Variants in DTX1 observed in about 807,000 individuals in gnomAD.
DTX1 encodes E3 ubiquitin-protein ligase DTX1.
A neutral mutation model predicts 57.8 loss-of-function variants in DTX1; 26 were observed. The observed-to-expected ratio is 0.45, with a 90% CI of 0.33 to 0.62. The LOEUF (loss-of-function observed/expected upper bound fraction) is 0.62. Among genes scored for constraint, DTX1 ranks in the 20% least tolerant of loss-of-function variants. DTX1 has a pLI of 0.02. For missense variants in DTX1, 704 were observed against 895.3 expected (o/e 0.79, Z 2.73); for synonymous variants, 398 against 394.1 (o/e 1.01, Z -0.12).
At chr12:113,058,746 A>G in intron 2 of DTX1, among the ~76,000 whole-genome samples, 1 of 152,218 alleles carries the variant, frequency 6.6e-6, no homozygotes, top group East Asian at 1.9e-4. Context: ...GGATTAAATA[A>G]AATTGTGCTC....
In DTX1 at chr12:113,089,818, G is replaced by A. The variant is rs141107954; in HGVS notation, c.942-3344G>A. 2.7e-3 allele frequency: 412 copies of A among 152,320 alleles called. 4 individuals carry two copies. Among genetic ancestry groups the A allele is most frequent in the African/African-American group, 9.1e-3 (379 of 41,574 alleles). The allele number at this position is 152,320 out of a possible 1,614,324, so 9.4% of individuals were successfully genotyped here. A position where few individuals can be genotyped will look rare whatever the true frequency, so the allele number is the denominator to read the frequency against. On this transcript the variant is annotated intron_variant, in intron 3 of 9. Transcript: ENST00000548759. ...TAATCTAGGGCTATGTGGTATTTAA[G>A]GGGCTCCAGAAATTTTAGGGCAGCT... is the stretch of plus-strand genomic sequence containing the variant.
intron 3 of DTX1, among the ~76,000 whole-genome samples, chr12:113,091,741 A>G (rs1950250695): frequency 6.6e-6 from 1 of 152,180 alleles, no homozygotes; most frequent in African/African-American, 2.4e-5. Flanking sequence ...ACAGCATTAG[A>G]CAGGCTGTGA....
At position 113,094,855 on chromosome 12, in the gene DTX1, G is replaced by A. The variant is rs1461803101; in HGVS notation, c.1294G>A (p.Gly432Ser). 13 of 1,613,700 alleles carry A rather than the reference G, an allele frequency of 8.1e-6. No individual in the cohort carries two copies. Among genetic ancestry groups the A allele is most frequent in the Non-Finnish European group, 1.1e-5 (13 of 1,180,020 alleles). ...SGYEGVLRHK[G>S]VRPELVGRLG... ...CTACGAGGGCGTGCTTCGGCACAAG[G>A]GCGTGCGGCCTGAGCTCGTGGGCCG... is the stretch of plus-strand genomic sequence containing the variant. Residue 432 changes from glycine (G) to serine (S), a missense_variant, in exon 7 of 10, where the codon GGC (glycine) becomes AGC (serine). Gly to Ser is a moderately conservative substitution (Grantham distance 56, BLOSUM62 0). Around this residue, in one of 3 missense-constraint regions of DTX1, gnomAD observed 299 missense variants for 311.2 expected, o/e 0.96. Transcript: ENST00000548759.
intron 2 of DTX1, among the ~76,000 whole-genome samples, chr12:113,076,775 T>G (rs140752081): frequency 1.3e-5 from 2 of 152,250 alleles, no homozygotes; most frequent in East Asian, 1.9e-4. Context: ...CTAAATGAAA[T>G]AGTGCTTAAA....
chr12:113,077,343 C>G lies in DTX1; in HGVS notation c.260-81C>G. ...CTGACCCCCCAACCTCCCGCCCACC[C>G]TTGCCTGGCTGTGGCCCGCCCTTCC... On this transcript the variant is annotated intron_variant, in intron 2 of 9. Coordinates refer to ENST00000548759, the MANE Select transcript of DTX1 (RefSeq NM_004416.3). The surrounding 1 kb of genome is among the most constrained non-coding windows in gnomAD (Gnocchi z 7.8). 1 of 1,485,410 alleles carries G rather than the reference C, an allele frequency of 6.7e-7. No homozygotes were observed. The highest frequency in any genetic ancestry group is 8.9e-7 in the Non-Finnish European group (1 of 1,119,576). The allele number at this position is 1,485,410 out of a possible 1,614,324, so 92.0% of individuals were successfully genotyped here.
chr12:113,093,377 C>A lies in DTX1; in HGVS notation c.1003+154C>A, dbSNP rs1233583998. On this transcript the variant is annotated intron_variant, in intron 4 of 9. Transcript: ENST00000548759. The surrounding 1 kb of genome is among the most constrained non-coding windows in gnomAD (Gnocchi z 4.2). ...GGCCCAGGACACAGGGCGGGCGTGG[C>A]CCGCAGAAAGGCCCTTCAGGGGCCT... 2 of 1,336,214 alleles carry A rather than the reference C, an allele frequency of 1.5e-6. No homozygotes were observed. The highest frequency in any genetic ancestry group is 2.5e-5 in the East Asian group (1 of 39,318). The allele number at this position is 1,336,214 out of a possible 1,614,324, so 82.8% of individuals were successfully genotyped here.
chr12:113,088,907 C>T (rs372131565), intron 3 of DTX1, among the ~76,000 whole-genome samples: 147 of 152,100 alleles, frequency 9.7e-4, no homozygotes, highest in South Asian at 1.9e-3. Flanking sequence ...CCCAGCTACT[C>T]AAGAGGCTGA....
At chr12:113,062,091 C>A (rs2044669034) in intron 2 of DTX1, among the ~76,000 whole-genome samples, 1 of 151,394 alleles carries the variant, frequency 6.6e-6, no homozygotes, top group African/African-American at 2.4e-5. Flanking sequence ...TGCTGTAAAA[C>A]CCAAAACTCA....
intron 3 of DTX1, among the ~76,000 whole-genome samples, chr12:113,081,743 G>A (rs1209628247): frequency 6.6e-6 from 1 of 152,122 alleles, no homozygotes; most frequent in Non-Finnish European, 1.5e-5. Flanking sequence ...CTGGAGTGAG[G>A]CGCCAGCAAG....
At chr12:113,090,353 T>C (rs1950237657) in intron 3 of DTX1, among the ~76,000 whole-genome samples, 1 of 152,152 alleles carries the variant, frequency 6.6e-6, no homozygotes, top group South Asian at 2.1e-4. Context: ...TGGAGGATTA[T>C]GACAGACCCT....
Position 113,093,447 on chromosome 12 carries a change from C to A in DTX1, c.1004-92C>A. The A allele has an allele frequency of 2.0e-6, 2 of 1,011,914 alleles. No homozygotes were observed. The highest frequency in any genetic ancestry group is 1.4e-6 in the Non-Finnish European group (1 of 704,564). The allele number at this position is 1,011,914 out of a possible 1,614,324, so 62.7% of individuals were successfully genotyped here. A position where few individuals can be genotyped will look rare whatever the true frequency, so the allele number is the denominator to read the frequency against. ...GGGCCCAAGAGCGCAACCCTCCCAC[C>A]CACCCGAGGGCCCCGGGATTCCCAG... On this transcript the variant is annotated intron_variant, in intron 4 of 9. Transcript: ENST00000548759. This position sits in a 1 kb window ranked among gnomAD's most constrained non-coding sequence, Gnocchi z 4.2.
At chr12:113,094,274 A>G (rs1316823831) in intron 6 of DTX1, among the ~76,000 whole-genome samples, 175 bp downstream of exon 6, 1 of 152,182 alleles carries the variant, frequency 6.6e-6, no homozygotes, top group African/African-American at 2.4e-5. Flanking sequence ...ACATTTATCC[A>G]TCTTTTGATG....
chr12:113,085,755 A>T (rs550926690), intron 3 of DTX1, among the ~76,000 whole-genome samples: 1 of 152,294 alleles, frequency 6.6e-6, no homozygotes, highest in Non-Finnish European at 1.5e-5. Flanking sequence ...GGCCCTGGGG[A>T]CACAGCAGTG....
chr12:113,066,152 G>A (rs1408567988), intron 2 of DTX1, among the ~76,000 whole-genome samples: 1 of 152,212 alleles, frequency 6.6e-6, no homozygotes, highest in Non-Finnish European at 1.5e-5. Flanking sequence ...CATGGGGCCT[G>A]GAACCTGGAA....
At chr12:113,070,374 G>A (rs949691133) in intron 2 of DTX1, among the ~76,000 whole-genome samples, 3 of 152,182 alleles carry the variant, frequency 2.0e-5, no homozygotes, top group African/African-American at 4.8e-5. Flanking sequence ...TCCCATGACC[G>A]CCTCCCACGT....
intron 2 of DTX1, among the ~76,000 whole-genome samples, chr12:113,067,952 T>C (rs1253072748): frequency 6.6e-6 from 1 of 152,014 alleles, no homozygotes; most frequent in African/African-American, 2.4e-5. Flanking sequence ...GGCTGGAGGA[T>C]TGCTTGAGAC....
At chr12:113,084,550 C>T (rs1351177137) in intron 3 of DTX1, among the ~76,000 whole-genome samples, 1 of 152,132 alleles carries the variant, frequency 6.6e-6, no homozygotes, top group African/African-American at 2.4e-5. Flanking sequence ...CATGCCCGGC[C>T]AATTTTTTAT....
chr12:113,081,499 A>T (rs905092995), intron 3 of DTX1, among the ~76,000 whole-genome samples: 4 of 152,194 alleles, frequency 2.6e-5, no homozygotes. Context: ...ACACAGACAG[A>T]TGGGGAGACA....
In DTX1 at chr12:113,095,219, G is replaced by A. The variant is rs141002319; in HGVS notation, c.1548+16G>A. On this transcript the variant is annotated intron_variant, in intron 8 of 9. Transcript: ENST00000548759. ...AGGCATCCAGGTGGGCTCCCCTTCCGCCTCTCTGGCCCCCAGCCCCCACAC... is the reference window on the plus strand; with the variant it reads ...AGGCATCCAGGTGGGCTCCCCTTCCACCTCTCTGGCCCCCAGCCCCCACAC... 7,459 of 1,603,512 alleles carry A rather than the reference G, an allele frequency of 4.7e-3. 24 individuals carry two copies. Among genetic ancestry groups the A allele is most frequent in the Non-Finnish European group, 5.7e-3 (6,701 of 1,172,238 alleles).
Sources: gnomAD v4.1 joint callset for allele counts (sites outside exome capture counted in the v4.1 genomes callset) on GRCh38, gnomAD v4.1.1 for gene constraint, gnomAD v4.1.1 regional missense constraint, Gnocchi (gnomAD v3.1) non-coding constraint, MANE v1.5 for transcripts, NCBI Gene and HGNC (gene_info 2026-07-23, HGNC 2026-07-21) for gene names.